The following ERBB4 variants were observed in gnomAD, a reference collection of about 807,000 sequenced individuals.
ERBB4 encodes the protein erb-b2 receptor tyrosine kinase 4.
Under a neutral mutation model 158.0 loss-of-function variants are expected in ERBB4, and 42 were observed. The observed-to-expected ratio is 0.27, with a 90% CI of 0.21 to 0.34. The LOEUF is 0.34. Among genes scored for constraint, ERBB4 ranks in the 10% least tolerant of loss-of-function variants. The pLI is 1.00. For missense variants in ERBB4, 1,333 were observed against 1,624.1 expected (o/e 0.82, Z 3.08); for synonymous variants, 583 against 558.7 (o/e 1.04, Z -0.61).
intron 3 of ERBB4, among the ~76,000 whole-genome samples, chr2:211,943,168 G>A (rs1031678332): frequency 6.6e-6 from 1 of 151,986 alleles, no homozygotes; most frequent in Non-Finnish European, 1.5e-5. Context: ...AGTAACAGAT[G>A]AGGTGATTTT....
chr2:211,418,854 A>G (rs2063452106), intron 25 of ERBB4, among the ~76,000 whole-genome samples: 1 of 152,092 alleles, frequency 6.6e-6, no homozygotes, highest in South Asian at 2.1e-4. Flanking sequence ...TTCATTACCT[A>G]TCCATTGATC....
chr2:212,255,111 T>C (rs1463050415), intron 1 of ERBB4, among the ~76,000 whole-genome samples: 2 of 152,200 alleles, frequency 1.3e-5, no homozygotes, highest in Non-Finnish European at 2.9e-5. Flanking sequence ...CAACATTTTA[T>C]AATACTTTCA....
At chr2:212,305,845 CTT>C (rs2086790783) in intron 1 of ERBB4, among the ~76,000 whole-genome samples, 1 of 151,310 alleles carries the variant, frequency 6.6e-6, no homozygotes, top group African/African-American at 2.4e-5. Context: ...AGTACACAAA[CTT>C]AATGAATTTT....
intron 19 of ERBB4, among the ~76,000 whole-genome samples, chr2:211,616,110 T>C (rs2069378214): frequency 6.6e-6 from 1 of 152,094 alleles, no homozygotes. Flanking sequence ...CAGCTTTCTC[T>C]TTCCACTGAG....
At chr2:212,276,565 T>A (rs941912998) in intron 1 of ERBB4, among the ~76,000 whole-genome samples, 1 of 151,770 alleles carries the variant, frequency 6.6e-6, no homozygotes, top group African/African-American at 2.4e-5. Context: ...TTTGCAAATG[T>A]GCACAGAGAT....
chr2:212,044,938 C>T (rs903070929), intron 2 of ERBB4, among the ~76,000 whole-genome samples: 22 of 151,886 alleles, frequency 1.4e-4, no homozygotes. Context: ...GGTCTGGCAG[C>T]AATAGGCTCA....
chr2:211,870,497 C>T (rs1029318699), intron 3 of ERBB4, among the ~76,000 whole-genome samples: 24 of 151,862 alleles, frequency 1.6e-4, no homozygotes, highest in Admixed American at 7.2e-4. Flanking sequence ...ATATCTACAT[C>T]GAAATAAGAT....
At chr2:212,126,734 T>TAATA (rs2079942846) in intron 1 of ERBB4, among the ~76,000 whole-genome samples, 1 of 152,174 alleles carries the variant, frequency 6.6e-6, no homozygotes, top group East Asian at 1.9e-4. Flanking sequence ...AGTAATAAGG[T>TAATA]AATATATACA....
chr2:211,386,708 A>G, intron 27 of ERBB4, 145 bp downstream of exon 27: 1 of 719,342 alleles, frequency 1.4e-6, no homozygotes, highest in Non-Finnish European at 2.5e-6. Flanking sequence ...TTCAGGGACC[A>G]TACTACAAGT....
chr2:211,599,291 T>C (rs906469871), intron 19 of ERBB4, among the ~76,000 whole-genome samples: 3 of 152,178 alleles, frequency 2.0e-5, no homozygotes, highest in African/African-American at 4.8e-5. Flanking sequence ...CTCGTATGCA[T>C]ACTTTTTCTG....
chr2:211,992,773 A>G (rs2082110814), intron 2 of ERBB4, among the ~76,000 whole-genome samples: 1 of 152,140 alleles, frequency 6.6e-6, no homozygotes, highest in Non-Finnish European at 1.5e-5. Flanking sequence ...CCCTCACCCC[A>G]TGCCCCATAC....
chr2:212,457,433 G>T (rs1688351751), intron 1 of ERBB4, among the ~76,000 whole-genome samples: 1 of 151,734 alleles, frequency 6.6e-6, no homozygotes, highest in Admixed American at 6.6e-5. Context: ...TATATTACTT[G>T]CACTGTTATC....
At chr2:212,101,177 A>G (rs1418425667) in intron 2 of ERBB4, among the ~76,000 whole-genome samples, 2 of 151,952 alleles carry the variant, frequency 1.3e-5, no homozygotes, top group Non-Finnish European at 2.9e-5. Context: ...ATGAGCAGAA[A>G]TGATATGTAT....
At chr2:212,505,958 T>G (rs989581356) in intron 1 of ERBB4, among the ~76,000 whole-genome samples, 3 of 148,898 alleles carry the variant, frequency 2.0e-5, no homozygotes, top group African/African-American at 7.3e-5. Flanking sequence ...TTGCAGATAC[T>G]GATTTTTACA....
chr2:212,311,022 C>T (rs1329073859), intron 1 of ERBB4, among the ~76,000 whole-genome samples: 1 of 150,698 alleles, frequency 6.6e-6, no homozygotes, highest in Non-Finnish European at 1.5e-5. Context: ...ATTTCAAGTG[C>T]TCGATAGTCA....
At chr2:211,400,378 C>A (rs533100288) in intron 25 of ERBB4, among the ~76,000 whole-genome samples, 1 of 152,208 alleles carries the variant, frequency 6.6e-6, no homozygotes, top group Non-Finnish European at 1.5e-5. Flanking sequence ...ACAAAATCAA[C>A]TAAATGCTGC....
chr2:212,524,653 G>T lies in ERBB4; in HGVS notation c.82+13796C>A, dbSNP rs147212459. 4.1e-4 allele frequency among the ~76,000 whole-genome samples: 62 copies of T among 151,792 alleles called. 1 individual carries two copies. In the East Asian group the frequency reaches 0.011, roughly 27 times the overall value. On this transcript the variant is annotated intron_variant, in intron 1 of 27. Transcript: ENST00000342788. The stretch of plus-strand genomic sequence containing the variant: ...TTCTCCTAGGCTAATTCAATATGTG[G>T]GCAGTGGCATCCTGTCTGTTGTGTT...
intron 14 of ERBB4, among the ~76,000 whole-genome samples, chr2:211,668,942 G>A (rs907299660): frequency 3.3e-5 from 5 of 152,084 alleles, no homozygotes; most frequent in African/African-American, 9.7e-5. Flanking sequence ...TTACAAGATG[G>A]ATGGGTGTGG....
intron 5 of ERBB4, among the ~76,000 whole-genome samples, chr2:211,737,743 A>T (rs976362627): frequency 1.3e-5 from 2 of 152,206 alleles, no homozygotes; most frequent in African/African-American, 4.8e-5. Flanking sequence ...TGCAGTGAAC[A>T]TTATATAAAT....
Sources: allele counts gnomAD v4.1 joint callset (sites outside exome capture counted in the v4.1 genomes callset), GRCh38; gene constraint gnomAD v4.1.1; transcripts MANE v1.5; gene names NCBI Gene and HGNC (gene_info 2026-07-23, HGNC 2026-07-21).